REV1: variants seen among roughly 807,000 people sequenced by gnomAD.
REV1 encodes REV1 DNA directed polymerase.
A neutral mutation model predicts 137.4 loss-of-function variants in REV1; 42 were observed. The ratio of observed to expected loss-of-function variants is 0.31; its 90% CI spans 0.24 to 0.40. The LOEUF is 0.40. Ranked by LOEUF, REV1 falls within the 10% of genes least tolerant of loss-of-function variation. The pLI is 1.00. For missense variants in REV1, 1,282 were observed against 1,490.1 expected (o/e 0.86, Z 2.30); for synonymous variants, 524 against 519.2 (o/e 1.01, Z -0.12).
Position 99,489,267 on chromosome 2 carries a change from G to A in REV1, c.-11+550C>T, listed in dbSNP as rs563387920. Among the ~76,000 whole-genome samples the A allele has an allele frequency of 2.5e-3, 374 of 152,308 alleles. 4 individuals are homozygous for A. Among genetic ancestry groups the A allele is most frequent in the African/African-American group, 8.6e-3 (357 of 41,582 alleles). ...ATTCCGACCGGTTCTGGGATGCACC[G>A]GGGACGTCGAAGGCGGGGTGCGGAA... On this transcript the variant is annotated intron_variant, in intron 1 of 22. Transcript: ENST00000258428.
At position 99,401,082 on chromosome 2, in the gene REV1, G is replaced by A. The variant is rs3792153; in HGVS notation, c.*159C>T. Reference sequence around the variant, plus strand: ...AACACAATTATTTACATGCAATACTGACAAATTTGGCACTTTTTGAAAAGA... The same window carrying A: ...AACACAATTATTTACATGCAATACTAACAAATTTGGCACTTTTTGAAAAGA... On this transcript the variant is annotated 3_prime_UTR_variant, in exon 23 of 23. Coordinates refer to ENST00000258428, the MANE Select transcript of REV1 (RefSeq NM_016316.4). 1,052 of 487,498 alleles carry A rather than the reference G, an allele frequency of 2.2e-3. 8 individuals carry two copies. The East Asian group carries it at 0.024, about 11-fold the overall frequency. The allele number at this position is 487,498 out of a possible 1,614,324, so 30.2% of individuals were successfully genotyped here.
chr2:99,482,083 G>A (rs1237831170), intron 1 of REV1, among the ~76,000 whole-genome samples: 2 of 152,188 alleles, frequency 1.3e-5, no homozygotes, highest in Non-Finnish European at 2.9e-5. Flanking sequence ...TAGTGGGTTG[G>A]GCTTTGAGCA....
At chr2:99,466,099 G>C (rs577814278) in intron 1 of REV1, among the ~76,000 whole-genome samples, 1 of 151,750 alleles carries the variant, frequency 6.6e-6, no homozygotes, top group African/African-American at 2.4e-5. Context: ...CCGCCACCAC[G>C]CCCGATTATT....
chr2:99,404,372 G>A (rs923653505), intron 18 of REV1, 72 bp downstream of exon 18: 1 of 1,246,094 alleles, frequency 8.0e-7, no homozygotes, highest in East Asian at 2.4e-5. Context: ...AGGGAAGTGA[G>A]ACAGGTCCTA....
At chr2:99,451,953 ATTTTT>A (rs958870896) in intron 3 of REV1, among the ~76,000 whole-genome samples, 2 of 147,724 alleles carry the variant, frequency 1.4e-5, no homozygotes, top group Admixed American at 1.3e-4. Context: ...CCTATTTTGA[ATTTTT>A]TTTTTTTAAT....
intron 6 of REV1, among the ~76,000 whole-genome samples, chr2:99,437,146 AT>A (rs1201571257): frequency 5.4e-5 from 8 of 149,036 alleles, no homozygotes; most frequent in South Asian, 2.1e-4. Context: ...CGCCCAGCTA[AT>A]TTTTTTTTTC....
chr2:99,473,903 T>C (rs926608021), intron 1 of REV1, among the ~76,000 whole-genome samples: 1 of 152,256 alleles, frequency 6.6e-6, no homozygotes, highest in African/African-American at 2.4e-5. Flanking sequence ...CTTGTGTTTA[T>C]ACACTGCTTT....
At chr2:99,469,688 C>A (rs1158742937) in intron 1 of REV1, among the ~76,000 whole-genome samples, 1 of 152,164 alleles carries the variant, frequency 6.6e-6, no homozygotes. Flanking sequence ...AAAAATATAA[C>A]AAGACTACTT....
rs142397096 is a variant in REV1, at chr2:99,410,642, C to A, written c.2345+53G>T. On this transcript the variant is annotated intron_variant, in intron 14 of 22. Coordinates refer to ENST00000258428, the MANE Select transcript of REV1 (RefSeq NM_016316.4). ...GGTTTTCTTCATTTTCTATTACTTA[C>A]AACAACCTGTACTGAAATATAATTA... The A allele has an allele frequency of 5.5e-6, 8 of 1,444,020 alleles. No homozygotes were observed. The Admixed American group carries it at 7.0e-5, about 13-fold the overall frequency. 89.5% of individuals were successfully genotyped at this position (1,444,020 alleles called of 1,614,324 possible).
intron 10 of REV1, among the ~76,000 whole-genome samples, chr2:99,423,714 C>A (rs1678980117): frequency 6.6e-6 from 1 of 152,106 alleles, no homozygotes; most frequent in South Asian, 2.1e-4. Context: ...TTTGGCATAT[C>A]CAATGATTTT....
At chr2:99,472,823 T>C (rs1667311805) in intron 1 of REV1, among the ~76,000 whole-genome samples, 1 of 152,262 alleles carries the variant, frequency 6.6e-6, no homozygotes, top group South Asian at 2.1e-4. Context: ...GGTAACAGTC[T>C]GCTCCAATGT....
intron 1 of REV1, among the ~76,000 whole-genome samples, chr2:99,486,267 C>G (rs552795356): frequency 1.3e-5 from 2 of 152,252 alleles, no homozygotes; most frequent in Non-Finnish European, 2.9e-5. Flanking sequence ...CAGTGGCTCA[C>G]GCCTGTAATC....
chr2:99,410,779 G>A lies in REV1; in HGVS notation c.2261C>T (p.Thr754Ile). The A allele has an allele frequency of 3.1e-6, 5 of 1,612,788 alleles. No homozygotes were observed. The highest frequency in any genetic ancestry group is 3.4e-6 in the Non-Finnish European group (4 of 1,179,640). ...EATGMKGKRL[T>I]LKIMVRKPGA... The stretch of plus-strand genomic sequence containing the variant: ...AGGCTTTCGTACCATGATTTTGAGA[G>A]TTAGACGTTTACCCTTCATGCCAGT... The change falls in exon 14 of 23, where the codon ACT (threonine) becomes ATT (isoleucine). Residue 754 changes from threonine to isoleucine, a missense_variant. Thr to Ile is a moderately conservative substitution (Grantham distance 89, BLOSUM62 -1). Around this residue, in one of 7 missense-constraint regions of REV1, gnomAD observed 372 missense variants for 482.3 expected, o/e 0.77. Coordinates refer to ENST00000258428, the MANE Select transcript of REV1 (RefSeq NM_016316.4).
intron 1 of REV1, among the ~76,000 whole-genome samples, chr2:99,468,960 A>G (rs1039980162): frequency 3.3e-5 from 5 of 152,254 alleles, no homozygotes; most frequent in African/African-American, 1.2e-4. Flanking sequence ...CAACATAATG[A>G]TAACAGTAGA....
chr2:99,455,410 G>C (rs1374522735), intron 3 of REV1, among the ~76,000 whole-genome samples: 4 of 152,120 alleles, frequency 2.6e-5, no homozygotes, highest in Admixed American at 6.6e-5. Flanking sequence ...AACTACCTCA[G>C]ACTTACCAAC....
At chr2:99,401,675 A>G (rs1364509999) in intron 22 of REV1, among the ~76,000 whole-genome samples, 1 of 152,192 alleles carries the variant, frequency 6.6e-6, no homozygotes, top group Non-Finnish European at 1.5e-5. Flanking sequence ...GGAACCCAGG[A>G]GGCAGAGGCT....
At chr2:99,468,756 A>G (rs1312938312) in intron 1 of REV1, among the ~76,000 whole-genome samples, 1 of 152,248 alleles carries the variant, frequency 6.6e-6, no homozygotes, top group Non-Finnish European at 1.5e-5. Context: ...ACGGATGAAG[A>G]GTGAATACAT....
At chr2:99,412,560 G>T (rs1209438170) in intron 13 of REV1, among the ~76,000 whole-genome samples, 171 bp downstream of exon 13, 1 of 151,950 alleles carries the variant, frequency 6.6e-6, no homozygotes, top group Non-Finnish European at 1.5e-5. Context: ...GTCTTATCTG[G>T]GGCTACACCT....
chr2:99,429,691 G>A, intron 9 of REV1, 149 bp downstream of exon 9: 1 of 504,578 alleles, frequency 2.0e-6, no homozygotes, highest in Non-Finnish European at 3.4e-6. Flanking sequence ...GGGGGGTTGT[G>A]GGGGGCATAG....
Sources: gnomAD v4.1 joint callset for allele counts (sites outside exome capture counted in the v4.1 genomes callset) on GRCh38, gnomAD v4.1.1 for gene constraint, gnomAD v4.1.1 regional missense constraint, MANE v1.5 for transcripts, NCBI Gene and HGNC (gene_info 2026-07-23, HGNC 2026-07-21) for gene names.